The following ATXN7L1 variants were observed in gnomAD, a reference collection of about 807,000 sequenced individuals.
The protein encoded by ATXN7L1 is ataxin 7 like 1.
In ATXN7L1, 15 loss-of-function variants were observed where a neutral mutation model predicts 70.8. The ratio of observed to expected loss-of-function variants is 0.21; its 90% CI spans 0.14 to 0.33. The LOEUF is 0.33. Among genes scored for constraint, ATXN7L1 ranks in the 10% least tolerant of loss-of-function variants. ATXN7L1 has a pLI of 1.00. For missense variants in ATXN7L1, 975 were observed against 1,097.1 expected, an observed-to-expected ratio of 0.89 and a Z score of 1.57; for synonymous variants, 440 against 445.1, an observed-to-expected ratio of 0.99 and a Z score of 0.14.
chr7:105,661,680 G>T (rs188510269), intron 4 of ATXN7L1, among the ~76,000 whole-genome samples: 87 of 152,272 alleles, frequency 5.7e-4, no homozygotes, highest in Non-Finnish European at 2.9e-4. Flanking sequence ...AGCCCTCTAA[G>T]GCTCAAAACC....
chr7:105,752,718 T>C (rs1799351622), intron 3 of ATXN7L1, among the ~76,000 whole-genome samples: 1 of 152,204 alleles, frequency 6.6e-6, no homozygotes, highest in African/African-American at 2.4e-5. Flanking sequence ...TAAAAAGGTC[T>C]GGTTATTTTT....
chr7:105,814,785 A>G (rs1192839522), intron 2 of ATXN7L1, among the ~76,000 whole-genome samples: 1 of 152,252 alleles, frequency 6.6e-6, no homozygotes, highest in African/African-American at 2.4e-5. Flanking sequence ...CTCACTCCTC[A>G]TGGCTAAACA....
chr7:105,732,860 C>T (rs1412017053), intron 3 of ATXN7L1, among the ~76,000 whole-genome samples: 1 of 152,204 alleles, frequency 6.6e-6, no homozygotes, highest in Non-Finnish European at 1.5e-5. Flanking sequence ...ATGTTCCTGC[C>T]TCAGTGCTGT....
At chr7:105,689,127 C>T (rs1268187749) in intron 3 of ATXN7L1, among the ~76,000 whole-genome samples, 1 of 152,138 alleles carries the variant, frequency 6.6e-6, no homozygotes, top group Non-Finnish European at 1.5e-5. Flanking sequence ...CCTTGGTCTT[C>T]CCGGAGTGTA....
chr7:105,768,527 A>G (rs1801573494), intron 3 of ATXN7L1, among the ~76,000 whole-genome samples: 1 of 152,244 alleles, frequency 6.6e-6, no homozygotes, highest in African/African-American at 2.4e-5. Flanking sequence ...TGGCAAGGTT[A>G]TCAATGCTTA....
At chr7:105,700,268 G>A (rs568411060) in intron 3 of ATXN7L1, among the ~76,000 whole-genome samples, 67 of 152,256 alleles carry the variant, frequency 4.4e-4, no homozygotes, top group Admixed American at 1.3e-3. Context: ...CACTTTGGGA[G>A]GCCAAGGCAG....
At chr7:105,790,051 A>AAAG (rs1804908216) in intron 2 of ATXN7L1, among the ~76,000 whole-genome samples, 1 of 152,228 alleles carries the variant, frequency 6.6e-6, no homozygotes, top group African/African-American at 2.4e-5. Flanking sequence ...AGGCAGACAC[A>AAAG]AAAGGTCACA....
At chr7:105,774,427 C>A (rs1229662870) in intron 3 of ATXN7L1, among the ~76,000 whole-genome samples, 2 of 150,758 alleles carry the variant, frequency 1.3e-5, no homozygotes, top group Non-Finnish European at 2.9e-5. Flanking sequence ...TCTTGGCTCA[C>A]TGAAACCTCC....
At chr7:105,730,823 A>G (rs780475321) in intron 3 of ATXN7L1, among the ~76,000 whole-genome samples, 11 of 152,206 alleles carry the variant, frequency 7.2e-5, no homozygotes, top group Non-Finnish European at 1.5e-4. Context: ...AGAGAAAGCT[A>G]TCGTGCAAAA....
Position 105,638,478 on chromosome 7 carries a change from C to T in ATXN7L1, c.1077G>A (p.Arg359=). ...GCCCGGATTGGCTTGGAAGTATTTC[C>T]CTCGTGGAAGTCAGGAGATGCTCTT... ...KDKEHLLTST[R]EILPSQSGPA... is the part of the protein sequence containing the mutation. The change falls in exon 7 of 12, where the codon AGG becomes AGA. Residue 359 remains arginine, a synonymous_variant. Coordinates refer to ENST00000419735, the MANE Select transcript of ATXN7L1 (RefSeq NM_020725.2). The T allele has an allele frequency of 6.4e-7, 1 of 1,552,310 alleles. No individual in the cohort carries two copies. Among genetic ancestry groups the T allele is most frequent in the Non-Finnish European group, 8.7e-7 (1 of 1,147,142 alleles).
rs1324913742 is a variant in ATXN7L1 at position 105,638,446 on chromosome 7, T to A, written c.1109A>T (p.Gln370Leu). The A allele has an allele frequency of 1.3e-6, 2 of 1,552,286 alleles. No homozygotes were observed. Among genetic ancestry groups the A allele is most frequent in the African/African-American group, 2.7e-5 (2 of 73,048 alleles). Reference sequence around the variant, plus strand: ...CCCTGAAGACCCTAGCAGAGAATCCTGTGCCGGCCCGGATTGGCTTGGAAG... The same window carrying A: ...CCCTGAAGACCCTAGCAGAGAATCCAGTGCCGGCCCGGATTGGCTTGGAAG... ...EILPSQSGPAQDSLLGSSGSS... is the reference protein window; with the variant it reads ...EILPSQSGPALDSLLGSSGSS... The change falls in exon 7 of 12, where the codon CAG (glutamine) becomes CTG (leucine). Residue 370 changes from glutamine to leucine, a missense_variant. Gln to Leu is a moderately radical substitution (Grantham distance 113). This residue lies in a region of ATXN7L1 where 635 missense variants were observed against 699.4 expected (regional missense o/e 0.91). Transcript: ENST00000419735.
chr7:105,737,804 C>T (rs1797569002), intron 3 of ATXN7L1, among the ~76,000 whole-genome samples: 1 of 152,158 alleles, frequency 6.6e-6, no homozygotes, highest in South Asian at 2.1e-4. Flanking sequence ...CTGCTCAAAG[C>T]TCGTAAGCGG....
At chr7:105,842,403 A>G (rs983065145) in intron 2 of ATXN7L1, among the ~76,000 whole-genome samples, 5 of 152,096 alleles carry the variant, frequency 3.3e-5, no homozygotes, top group Non-Finnish European at 1.5e-5. Flanking sequence ...GGCAACCACT[A>G]ATCTATTTCC....
At chr7:105,670,317 A>C (rs1490916305) in intron 3 of ATXN7L1, among the ~76,000 whole-genome samples, 1 of 152,154 alleles carries the variant, frequency 6.6e-6, no homozygotes, top group Non-Finnish European at 1.5e-5. Context: ...TGATTAAGGG[A>C]CTGCCTAAGG....
chr7:105,680,639 T>C (rs1805413934), intron 3 of ATXN7L1, among the ~76,000 whole-genome samples: 1 of 152,196 alleles, frequency 6.6e-6, no homozygotes, highest in Admixed American at 6.5e-5. Context: ...ACAGTTAGGC[T>C]GTGGGCGTTG....
chr7:105,641,194 T>TTC (rs1239270241), intron 5 of ATXN7L1, among the ~76,000 whole-genome samples: 2,632 of 105,656 alleles, frequency 0.025, 285 homozygotes, highest in Non-Finnish European at 0.039. Context: ...TGTCTGCCTT[T>TTC]TCTCTCTCTC....
intron 3 of ATXN7L1, among the ~76,000 whole-genome samples, chr7:105,738,311 T>C (rs1376394393): frequency 6.6e-6 from 1 of 152,200 alleles, no homozygotes. Context: ...CTATATGTCA[T>C]TGTATGTCTG....
intron 2 of ATXN7L1, among the ~76,000 whole-genome samples, chr7:105,830,279 G>A (rs527708528): frequency 5.9e-5 from 9 of 152,344 alleles, no homozygotes; most frequent in South Asian, 2.1e-4. Context: ...ATGTTTATCT[G>A]TTTTACTGAC....
intron 3 of ATXN7L1, among the ~76,000 whole-genome samples, chr7:105,667,560 G>T (rs1223104048): frequency 7.4e-6 from 1 of 134,398 alleles, no homozygotes; most frequent in African/African-American, 2.6e-5. Context: ...TTAGCCGGGC[G>T]TAGTGGCGGG....
Sources: gnomAD v4.1 joint callset for allele counts (sites outside exome capture counted in the v4.1 genomes callset) on GRCh38, gnomAD v4.1.1 for gene constraint, gnomAD v4.1.1 regional missense constraint, MANE v1.5 for transcripts, NCBI Gene and HGNC (gene_info 2026-07-23, HGNC 2026-07-21) for gene names.